Variants in BMERB1 observed in about 807,000 individuals in gnomAD.
BMERB1 encodes bMERB domain containing 1.
Under a neutral mutation model 23.6 loss-of-function variants are expected in BMERB1, and 12 were observed. The ratio of observed to expected loss-of-function variants is 0.51; its 90% CI spans 0.33 to 0.82. BMERB1 has a LOEUF of 0.82. Ranked by LOEUF, BMERB1 falls within the 40% of genes least tolerant of loss-of-function variation. BMERB1 has a pLI of 0.03. For synonymous variants in BMERB1, 122 were observed against 96.6 expected (o/e 1.26, Z -1.54); for missense variants, 247 against 255.4 (o/e 0.97, Z 0.22).
intron 2 of BMERB1, among the ~76,000 whole-genome samples, chr16:15,560,951 G>GTTTT: frequency 1.5e-5 from 2 of 131,756 alleles, no homozygotes; most frequent in African/African-American, 6.3e-5. Flanking sequence ...TTTCTCTGCT[G>GTTTT]CTTTTTTTTT....
In BMERB1 at chr16:15,443,027, C is replaced by T. The variant is rs372813145; in HGVS notation, c.106+8268C>T. 5.7e-4 allele frequency among the ~76,000 whole-genome samples: 87 copies of T among 151,690 alleles called. 1 individual carries two copies. The East Asian group carries it at 0.014, about 25-fold the overall frequency. On this transcript the variant is annotated intron_variant, in intron 1 of 5. Coordinates refer to ENST00000300006, the MANE Select transcript of BMERB1 (RefSeq NM_033201.3). The stretch of plus-strand genomic sequence containing the variant: ...CTTTGGGAGGCCGAGGCTGGTGGAT[C>T]ACTTAACATCAGGAGTTCAAGACCA...
At chr16:15,519,000 TGA>T (rs1555510657) in intron 2 of BMERB1, among the ~76,000 whole-genome samples, 1 of 151,906 alleles carries the variant, frequency 6.6e-6, no homozygotes, top group Non-Finnish European at 1.5e-5. Flanking sequence ...TGCCTGGCAC[TGA>T]GTGTCATGAA....
intron 1 of BMERB1, among the ~76,000 whole-genome samples, chr16:15,499,954 A>C (rs914186504): frequency 3.9e-5 from 6 of 152,200 alleles, no homozygotes; most frequent in Admixed American, 3.3e-4. Context: ...CAATCAATAT[A>C]TTCAATCAAT....
chr16:15,470,279 T>C (rs1272751898), intron 1 of BMERB1, among the ~76,000 whole-genome samples: 1 of 152,074 alleles, frequency 6.6e-6, no homozygotes, highest in African/African-American at 2.4e-5. Context: ...GGATCACACA[T>C]TGATTGATTT....
chr16:15,570,135 C>T (rs1306643759), intron 3 of BMERB1, among the ~76,000 whole-genome samples: 1 of 152,130 alleles, frequency 6.6e-6, no homozygotes, highest in African/African-American at 2.4e-5. Flanking sequence ...AAGCACCCAC[C>T]ATTACCCTTG....
At chr16:15,446,699 G>T (rs2050992814) in intron 1 of BMERB1, among the ~76,000 whole-genome samples, 1 of 152,182 alleles carries the variant, frequency 6.6e-6, no homozygotes, top group Non-Finnish European at 1.5e-5. Flanking sequence ...AGCTGCCATT[G>T]ATATAGATGC....
intron 1 of BMERB1, among the ~76,000 whole-genome samples, chr16:15,464,053 C>T (rs547086427): frequency 6.6e-6 from 1 of 152,260 alleles, no homozygotes; most frequent in Non-Finnish European, 1.5e-5. Flanking sequence ...TGGCTCATGC[C>T]TGTAATCTCA....
intron 2 of BMERB1, among the ~76,000 whole-genome samples, chr16:15,544,951 C>G: frequency 6.6e-6 from 1 of 151,820 alleles, no homozygotes. Context: ...GCACCTAACA[C>G]AAGCCCAAAT....
chr16:15,574,116 T>A (rs1269834849), intron 3 of BMERB1, among the ~76,000 whole-genome samples: 1 of 150,770 alleles, frequency 6.6e-6, no homozygotes, highest in Non-Finnish European at 1.5e-5. Flanking sequence ...CTTACAATCA[T>A]GGTGGAAGGT....
At position 15,534,720 on chromosome 16, in the gene BMERB1, G is replaced by A. The variant is rs780600297; in HGVS notation, c.230+19292G>A. Among the ~76,000 whole-genome samples the A allele has an allele frequency of 1.2e-3, 190 of 152,116 alleles. 3 individuals carry two copies. The highest frequency in any genetic ancestry group is 0.01 in the Middle Eastern group (3 of 292). On this transcript the variant is annotated intron_variant, in intron 2 of 5. Coordinates refer to ENST00000300006, the MANE Select transcript of BMERB1 (RefSeq NM_033201.3). ...CTTTTTCTTGGCCTTTTCCACACAC[G>A]GGGTCCAGTTTCATCACCTCTTTTT...
At chr16:15,475,518 A>C (rs1349919482) in intron 1 of BMERB1, among the ~76,000 whole-genome samples, 2 of 152,236 alleles carry the variant, frequency 1.3e-5, no homozygotes, top group Non-Finnish European at 2.9e-5. Flanking sequence ...AGGGCAGAAT[A>C]CAGGTAAGTT....
intron 2 of BMERB1, among the ~76,000 whole-genome samples, chr16:15,517,477 C>G (rs2051776619): frequency 6.6e-6 from 1 of 152,054 alleles, no homozygotes; most frequent in Admixed American, 6.5e-5. Context: ...TACCATTTCA[C>G]TCCAGTCTGG....
chr16:15,437,980 A>G (rs1348718518), intron 1 of BMERB1, among the ~76,000 whole-genome samples: 2 of 151,868 alleles, frequency 1.3e-5, no homozygotes, highest in African/African-American at 4.8e-5. Flanking sequence ...TCTGGTATAA[A>G]GTCCTTCTTA....
intron 2 of BMERB1, among the ~76,000 whole-genome samples, chr16:15,528,733 T>C (rs544976505): frequency 6.6e-6 from 1 of 152,098 alleles, no homozygotes; most frequent in Admixed American, 6.5e-5. Flanking sequence ...TGCTATGATC[T>C]GAATGTTTGT....
intron 2 of BMERB1, among the ~76,000 whole-genome samples, chr16:15,528,938 A>C (rs1471175806): frequency 6.6e-6 from 1 of 152,130 alleles, no homozygotes; most frequent in African/African-American, 2.4e-5. Flanking sequence ...ATCTATGAGG[A>C]AGAGGTCCTC....
At chr16:15,444,133 T>TTTTTTTTTTTTTTTTTTTTTTTTTTTTG (rs2050968775) in intron 1 of BMERB1, among the ~76,000 whole-genome samples, 1 of 115,430 alleles carries the variant, frequency 8.7e-6, no homozygotes, top group Non-Finnish European at 1.9e-5. Context: ...GTTTTTTTTT[T>TTTTTTTTTTTTTTTTTTTTTTTTTTTTG]TTTTTTTTTT....
At position 15,434,588 on chromosome 16, in the gene BMERB1, CT is replaced by C; in HGVS notation, c.-65del. 3 of 1,483,230 alleles carry C rather than the reference CT, an allele frequency of 2.0e-6. No individual in the cohort carries two copies. The highest frequency in any genetic ancestry group is 2.8e-6 in the Non-Finnish European group (3 of 1,062,488). 91.9% of individuals were successfully genotyped at this position (1,483,230 alleles called of 1,614,324 possible). On this transcript the variant is annotated 5_prime_UTR_variant, in exon 1 of 6. Coordinates refer to ENST00000300006, the MANE Select transcript of BMERB1 (RefSeq NM_033201.3). ...AACGCTGCTGGCTGGAGCCACCTCC[CT>C]CCCTGCAGCCCGCAACGGGAATGGA... is the stretch of plus-strand genomic sequence containing the variant.
intron 1 of BMERB1, among the ~76,000 whole-genome samples, chr16:15,484,487 C>T (rs1051960390): frequency 6.6e-5 from 10 of 151,954 alleles, no homozygotes; most frequent in African/African-American, 2.2e-4. Flanking sequence ...CTGCAAACTT[C>T]GCCTCCTGGG....
chr16:15,546,286 TC>T (rs1257438863), intron 2 of BMERB1, among the ~76,000 whole-genome samples: 1 of 152,132 alleles, frequency 6.6e-6, no homozygotes, highest in African/African-American at 2.4e-5. Context: ...AGACCCTGTT[TC>T]CCTGTCACAA....
Sources: allele counts gnomAD v4.1 joint callset (sites outside exome capture counted in the v4.1 genomes callset), GRCh38; gene constraint gnomAD v4.1.1; transcripts MANE v1.5; gene names NCBI Gene and HGNC (gene_info 2026-07-23, HGNC 2026-07-21).